Variants in IL15RA observed in about 807,000 individuals in gnomAD.
The protein encoded by IL15RA is interleukin-15 receptor subunit alpha.
Under a neutral mutation model 24.2 loss-of-function variants are expected in IL15RA, and 26 were observed. The observed-to-expected ratio is 1.07, with a 90% CI of 0.79 to 1.49. IL15RA has a LOEUF of 1.49. IL15RA is among the 40% of genes most tolerant of loss of function. The probability of loss-of-function intolerance (pLI) is 0.00; values close to 1 mark genes in which losing one functional copy is unlikely to be tolerated. For missense variants in IL15RA, 354 were observed against 356.4 expected, an observed-to-expected ratio of 0.99 and a Z score of 0.05; for synonymous variants, 166 against 157.6, an observed-to-expected ratio of 1.05 and a Z score of -0.40.
intron 1 of IL15RA, among the ~76,000 whole-genome samples, chr10:5,969,471 C>G (rs1017620788): frequency 3.1e-4 from 47 of 152,176 alleles, no homozygotes; most frequent in South Asian, 1.4e-3. Context: ...TGCCTAAGCT[C>G]AAGTGATCTT....
Position 5,959,364 on chromosome 10 carries a change from G to A in IL15RA, c.616+390C>T, listed in dbSNP as rs149329529. Among the ~76,000 whole-genome samples the A allele has an allele frequency of 3.3e-5, 5 of 152,022 alleles. No homozygotes were observed. The highest frequency in any genetic ancestry group is 1.3e-4 in the Admixed American group (2 of 15,262). On this transcript the variant is annotated intron_variant, in intron 5 of 6. Coordinates refer to ENST00000379977, the MANE Select transcript of IL15RA (RefSeq NM_002189.4). The surrounding 1 kb of genome is among the most constrained non-coding windows in gnomAD (Gnocchi z 4.1). ...TTCTCTGTTAAGTGCACGGTGCCAC[G>A]CCCTGGAGAGGAATTGGCAGCTTCT...
Position 5,953,258 on chromosome 10 carries a change from A to G in IL15RA, c.693-52T>C, listed in dbSNP as rs1282434003. On this transcript the variant is annotated intron_variant, in intron 6 of 6. Coordinates refer to ENST00000379977, the MANE Select transcript of IL15RA (RefSeq NM_002189.4). The surrounding 1 kb of genome is among the most constrained non-coding windows in gnomAD (Gnocchi z 5.3). ...TGAAAAGAGGAGGGGGTTGCCCTCA[A>G]ATCAACAGACGCTTCCCACTGAGCA... 7.6e-7 allele frequency: 1 copy of G among 1,317,910 alleles called. No homozygotes were observed. The highest frequency in any genetic ancestry group is 1.2e-5 in the South Asian group (1 of 84,816). The allele number at this position is 1,317,910 out of a possible 1,614,324, so 81.6% of individuals were successfully genotyped here.
intron 5 of IL15RA, 41 bp from the exon 6 acceptor site, chr10:5,956,495 T>C (rs1269644645): frequency 6.8e-7 from 1 of 1,461,836 alleles, no homozygotes; most frequent in Non-Finnish European, 9.6e-7. Context: ...CAGAAGCACA[T>C]TCATTGCTAC....
At chr10:5,969,474 G>A (rs1367550275) in intron 1 of IL15RA, among the ~76,000 whole-genome samples, 1 of 152,140 alleles carries the variant, frequency 6.6e-6, no homozygotes, top group Non-Finnish European at 1.5e-5. Flanking sequence ...CTAAGCTCAA[G>A]TGATCTTTCC....
chr10:5,952,329 T>A (rs1790672677), downstream of IL15RA: 1 of 152,618 alleles, frequency 6.6e-6, no homozygotes, highest in Non-Finnish European at 1.5e-5. Flanking sequence ...CTACTCTTTC[T>A]CCTCCTTTAT....
chr10:5,967,211 GC>G lies in IL15RA; in HGVS notation c.89-873del, dbSNP rs1836727678. Reference sequence around the variant, plus strand: ...GCCTTACCTTGCCTTACCTTGCCTTGCCTTTCTTTTTTGAGACGGAGTTTCA... The same window carrying G: ...GCCTTACCTTGCCTTACCTTGCCTTGCTTTCTTTTTTGAGACGGAGTTTCA... On this transcript the variant is annotated intron_variant, in intron 1 of 6. Coordinates refer to ENST00000379977, the MANE Select transcript of IL15RA (RefSeq NM_002189.4). The surrounding 1 kb of genome is among the most constrained non-coding windows in gnomAD (Gnocchi z 4.4). Among the ~76,000 whole-genome samples, 1 of 151,660 alleles carries G rather than the reference GC, an allele frequency of 6.6e-6. No homozygotes were observed. Among genetic ancestry groups the G allele is most frequent in the African/African-American group, 2.4e-5 (1 of 41,070 alleles).
Position 5,968,610 on chromosome 10 carries a change from G to T in IL15RA, c.89-2271C>A. 1 of 595,498 alleles carries T rather than the reference G, an allele frequency of 1.7e-6. No homozygotes were observed. Among genetic ancestry groups the T allele is most frequent in the Non-Finnish European group, 3.0e-6 (1 of 333,554 alleles). 36.9% of individuals were successfully genotyped at this position (595,498 alleles called of 1,614,324 possible). The stretch of plus-strand genomic sequence containing the variant: ...TATGGTTACCTGCAGAGCCCCACTG[G>T]CTTTGAGGCCTCTGGTGCTATCTGG... On this transcript the variant is annotated intron_variant, in intron 1 of 6. Transcript: ENST00000379977. This position sits in a 1 kb window ranked among gnomAD's most constrained non-coding sequence, Gnocchi z 5.4.
chr10:5,972,396 C>T (rs977056202), intron 1 of IL15RA, among the ~76,000 whole-genome samples: 9 of 152,180 alleles, frequency 5.9e-5, no homozygotes, highest in African/African-American at 2.2e-4. Flanking sequence ...ATTTTTGAGA[C>T]AGAGTCTCGC....
intron 1 of IL15RA, 154 bp downstream of exon 1, chr10:5,977,251 G>T (rs1838602538): frequency 2.7e-6 from 1 of 377,214 alleles, no homozygotes; most frequent in Non-Finnish European, 4.7e-6. Flanking sequence ...CCGGCGCCGC[G>T]TCCCCTCCCC....
chr10:5,966,916 G>C lies in IL15RA; in HGVS notation c.89-577C>G, dbSNP rs777685312. Among the ~76,000 whole-genome samples, 2 of 152,094 alleles carry C rather than the reference G, an allele frequency of 1.3e-5. No homozygotes were observed. Among genetic ancestry groups the C allele is most frequent in the South Asian group, 2.1e-4 (1 of 4,826 alleles). Reference sequence around the variant, plus strand: ...GAACCTGGGAGGCAGAGGTTGCAGTGAGCCACGATCACACCACTGCACTCT... The same window carrying C: ...GAACCTGGGAGGCAGAGGTTGCAGTCAGCCACGATCACACCACTGCACTCT... On this transcript the variant is annotated intron_variant, in intron 1 of 6. Transcript: ENST00000379977. The surrounding 1 kb of genome is among the most constrained non-coding windows in gnomAD (Gnocchi z 6.4).
In IL15RA at chr10:5,973,569, T is replaced by C. The variant is rs1837954655; in HGVS notation, c.88+3836A>G. Among the ~76,000 whole-genome samples the C allele has an allele frequency of 6.6e-6, 1 of 152,200 alleles. No homozygotes were observed. The highest frequency in any genetic ancestry group is 2.4e-5 in the African/African-American group (1 of 41,440). On this transcript the variant is annotated intron_variant, in intron 1 of 6. Transcript: ENST00000379977. The surrounding 1 kb of genome is among the most constrained non-coding windows in gnomAD (Gnocchi z 4.5). ...GAGAAGGTCAGTGAAGATAATCTTT[T>C]CAATAAAGGGTGCTGGAATAATTGG... is the stretch of plus-strand genomic sequence containing the variant.
At position 5,971,358 on chromosome 10, in the gene IL15RA, G is replaced by C. The variant is rs147338207; in HGVS notation, c.89-5019C>G. Among the ~76,000 whole-genome samples the C allele has an allele frequency of 1.8e-3, 275 of 152,324 alleles. No individual in the cohort carries two copies. Among genetic ancestry groups the C allele is most frequent in the African/African-American group, 6.3e-3 (262 of 41,570 alleles). On this transcript the variant is annotated intron_variant, in intron 1 of 6. Coordinates refer to ENST00000379977, the MANE Select transcript of IL15RA (RefSeq NM_002189.4). This position sits in a 1 kb window ranked among gnomAD's most constrained non-coding sequence, Gnocchi z 5.5. Reference sequence around the variant, plus strand: ...AACAAGTCCTAACGATCATTTAAATGAAGTCACCAAAATAGTGTATGAGGC... The same window carrying C: ...AACAAGTCCTAACGATCATTTAAATCAAGTCACCAAAATAGTGTATGAGGC...
In IL15RA at chr10:5,956,432, G is replaced by A. The variant is rs766935730; in HGVS notation, c.639C>T (p.Val213=). ...DTTVAISTST[V]LLCGLSAVSL... ...ACACAGCGCTCAGCCCACACAGCAGGACAGTGGACGTGGAGATAGCCACTG... is the reference window on the plus strand; with the variant it reads ...ACACAGCGCTCAGCCCACACAGCAGAACAGTGGACGTGGAGATAGCCACTG... The change falls in exon 6 of 7, where the codon GTC becomes GTT. Residue 213 remains valine (V), a synonymous_variant. Coordinates refer to ENST00000379977, the MANE Select transcript of IL15RA (RefSeq NM_002189.4). 1.2e-6 allele frequency: 2 copies of A among 1,614,066 alleles called. No homozygotes were observed. The highest frequency in any genetic ancestry group is 1.1e-5 in the South Asian group (1 of 91,084).
In IL15RA at chr10:5,971,607, T is replaced by C. The variant is rs1268537764; in HGVS notation, c.89-5268A>G. On this transcript the variant is annotated intron_variant, in intron 1 of 6. Transcript: ENST00000379977. This position sits in a 1 kb window ranked among gnomAD's most constrained non-coding sequence, Gnocchi z 5.5. ...AAATGCCTGCACGAGCTAAGGGTGG[T>C]AGGATTCAGAGATGTGTCAGATATG... is the stretch of plus-strand genomic sequence containing the variant. Among the ~76,000 whole-genome samples the C allele has an allele frequency of 2.0e-5, 3 of 152,214 alleles. No individual in the cohort carries two copies. Among genetic ancestry groups the C allele is most frequent in the Non-Finnish European group, 2.9e-5 (2 of 68,034 alleles).
Position 5,964,390 on chromosome 10 carries a change from C to T in IL15RA, c.284-549G>A, listed in dbSNP as rs1251820609. On this transcript the variant is annotated intron_variant, in intron 2 of 6. Coordinates refer to ENST00000379977, the MANE Select transcript of IL15RA (RefSeq NM_002189.4). This position sits in a 1 kb window ranked among gnomAD's most constrained non-coding sequence, Gnocchi z 5.6. ...CTATGTTGCTGAGGCTGGTCTCGAA[C>T]TCCTGGTCTCAAGAAATCCCTCCCA... Among the ~76,000 whole-genome samples, 2 of 152,100 alleles carry T rather than the reference C, an allele frequency of 1.3e-5. No individual in the cohort carries two copies. Among genetic ancestry groups the T allele is most frequent in the South Asian group, 2.1e-4 (1 of 4,828 alleles).
In IL15RA at chr10:5,956,377, AC is replaced by A; in HGVS notation, c.692+1del. On this transcript the variant is annotated splice_donor_variant, in intron 6 of 6. Transcript: ENST00000379977. LOFTEE classifies it high-confidence loss of function. Reference sequence around the variant, plus strand: ...GCAGAGGGAGTATCCAGTGCAACTCACCTTGACTTGAGGTAGCATGCCAGGA... The same window carrying A: ...GCAGAGGGAGTATCCAGTGCAACTCACTTGACTTGAGGTAGCATGCCAGGA... 6.2e-7 allele frequency: 1 copy of A among 1,611,166 alleles called. No homozygotes were observed. Among genetic ancestry groups the A allele is most frequent in the Non-Finnish European group, 8.5e-7 (1 of 1,177,424 alleles).
rs754381460 is a variant in IL15RA, at chr10:5,960,386, G to T, written c.564C>A (p.Ser188=). ...TTAKNWELTA[S]ASHQPPGVYP... The stretch of plus-strand genomic sequence containing the variant: ...GCTAACCTGGCGGCTGGTGGGAGGC[G>T]GATGCTGTGAGTTCCCAGTTCTTGG... The change falls in exon 4 of 7, where the codon TCC becomes TCA. Residue 188 remains serine (S), a synonymous_variant. Coordinates refer to ENST00000379977, the MANE Select transcript of IL15RA (RefSeq NM_002189.4). This position sits in a 1 kb window ranked among gnomAD's most constrained non-coding sequence, Gnocchi z 5.1. 10 of 1,614,040 alleles carry T rather than the reference G, an allele frequency of 6.2e-6. No individual in the cohort carries two copies. The highest frequency in any genetic ancestry group is 7.6e-6 in the Non-Finnish European group (9 of 1,179,970).
upstream of IL15RA, chr10:5,978,008 T>G: frequency 6.2e-6 from 1 of 160,718 alleles, no homozygotes; most frequent in Non-Finnish European, 1.4e-5. The surrounding 1 kb of genome is among the most constrained non-coding windows in gnomAD (Gnocchi z 5.2). Context: ...TGCGCTCGGT[T>G]GTGAGCGGCC....
chr10:5,977,509 G>T lies in IL15RA; in HGVS notation c.-17C>A, dbSNP rs1004329263. On this transcript the variant is annotated 5_prime_UTR_variant, in exon 1 of 7. Coordinates refer to ENST00000379977, the MANE Select transcript of IL15RA (RefSeq NM_002189.4). The stretch of plus-strand genomic sequence containing the variant: ...CGGGGCCATGGCGGCAGCTCCACAG[G>T]ACACCGCTGGACTCCCCGGGCGAGC... 1.6e-4 allele frequency: 209 copies of T among 1,327,670 alleles called. No homozygotes were observed. Among genetic ancestry groups the T allele is most frequent in the Non-Finnish European group, 1.8e-4 (186 of 1,039,310 alleles). 82.2% of individuals were successfully genotyped at this position (1,327,670 alleles called of 1,614,324 possible).
Sources: allele counts gnomAD v4.1 joint callset (sites outside exome capture counted in the v4.1 genomes callset), GRCh38; gene constraint gnomAD v4.1.1; non-coding constraint Gnocchi (gnomAD v3.1); transcripts MANE v1.5; gene names NCBI Gene and HGNC (gene_info 2026-07-23, HGNC 2026-07-21).